The following MMEL1 variants were observed in gnomAD, a reference collection of about 807,000 sequenced individuals.
MMEL1 encodes the protein membrane metallo-endopeptidase-like 1.
Under a neutral mutation model 117.1 loss-of-function variants are expected in MMEL1, and 98 were observed. The observed-to-expected ratio is 0.84, with a 90% confidence interval of 0.71 to 0.99. The LOEUF (loss-of-function observed/expected upper bound fraction) is 0.99, where lower values mean the gene tolerates loss of function less well. Among genes scored for constraint, MMEL1 ranks in the 50% least tolerant of loss-of-function variants. The pLI is 0.00. For synonymous variants in MMEL1, 390 were observed against 415.1 expected (o/e 0.94, Z 0.74); for missense variants, 1,014 against 1,049.1 (o/e 0.97, Z 0.46).
In MMEL1 at chr1:2,596,126, C is replaced by T. The variant is rs1644835133; in HGVS notation, c.1402-19G>A. Reference sequence around the variant, plus strand: ...CTCTGACCTGGGAATCGGGCATGGCCCTCGTGTCCCAGACTCATCTGGAGG... The same window carrying T: ...CTCTGACCTGGGAATCGGGCATGGCTCTCGTGTCCCAGACTCATCTGGAGG... On this transcript the variant is annotated intron_variant, in intron 14 of 23. Coordinates refer to ENST00000378412, the MANE Select transcript of MMEL1 (RefSeq NM_033467.4). 1 of 1,604,610 alleles carries T rather than the reference C, an allele frequency of 6.2e-7. No homozygotes were observed. Among genetic ancestry groups the T allele is most frequent in the Admixed American group, 1.7e-5 (1 of 59,964 alleles).
intron 2 of MMEL1, among the ~76,000 whole-genome samples, chr1:2,618,657 C>G (rs1244403274): frequency 6.6e-6 from 1 of 152,106 alleles, no homozygotes; most frequent in African/African-American, 2.4e-5. Context: ...CGCGGAGAAG[C>G]CAATTTAAAG....
intron 2 of MMEL1, among the ~76,000 whole-genome samples, chr1:2,626,238 T>G (rs573747908): frequency 9.9e-5 from 15 of 152,150 alleles, no homozygotes; most frequent in Middle Eastern, 3.4e-3. Flanking sequence ...GACAAAGAAA[T>G]TTGGGGAAGA....
At chr1:2,624,337 C>T (rs147023904) in intron 2 of MMEL1, among the ~76,000 whole-genome samples, 2,858 of 152,256 alleles carry the variant, frequency 0.019, 48 homozygotes, top group Middle Eastern at 0.065. Flanking sequence ...GCTGGAGAAA[C>T]GTGAGTCTGA....
chr1:2,621,567 T>C (rs1645289304), intron 2 of MMEL1, among the ~76,000 whole-genome samples: 1 of 139,648 alleles, frequency 7.2e-6, no homozygotes, highest in Non-Finnish European at 1.5e-5. Flanking sequence ...ACTGAACCAA[T>C]GCACATTTTT....
chr1:2,598,837 G>C, intron 11 of MMEL1, 47 bp from the exon 12 acceptor site: 22 of 1,489,960 alleles, frequency 1.5e-5, no homozygotes, highest in Non-Finnish European at 1.9e-5. Flanking sequence ...GAGAGAGGGA[G>C]AAACAGTTCC....
intron 4 of MMEL1, 52 bp downstream of exon 4, chr1:2,611,229 G>C (rs529295639): frequency 6.6e-7 from 1 of 1,518,614 alleles, no homozygotes; most frequent in Non-Finnish European, 8.9e-7. Flanking sequence ...AGTGTCAGCC[G>C]GGAGCCCCCA....
chr1:2,590,651 A>G lies in MMEL1; in HGVS notation c.*339T>C, dbSNP rs1427569936. 7.3e-6 allele frequency: 2 copies of G among 274,928 alleles called. No homozygotes were observed. The highest frequency in any genetic ancestry group is 4.4e-5 in the African/African-American group (2 of 45,690). The allele number at this position is 274,928 out of a possible 1,614,324, so 17.0% of individuals were successfully genotyped here. ...GCAAGGCCTCTGATTTCTTTGAAGCATTTACTTAGCTCAAGTCTGAAGCTG... is the reference window on the plus strand; with the variant it reads ...GCAAGGCCTCTGATTTCTTTGAAGCGTTTACTTAGCTCAAGTCTGAAGCTG... On this transcript the variant is annotated 3_prime_UTR_variant, in exon 24 of 24. Transcript: ENST00000378412.
rs28713532 is a variant in MMEL1 at position 2,632,840 on chromosome 1, G to A, written c.-38+26C>T. 4.6e-4 allele frequency: 450 copies of A among 985,150 alleles called. 3 individuals carry two copies. The African/African-American group carries it at 7.0e-3, about 15-fold the overall frequency. 61.0% of individuals were successfully genotyped at this position (985,150 alleles called of 1,614,324 possible). A position where few individuals can be genotyped will look rare whatever the true frequency, so the allele number is the denominator to read the frequency against. On this transcript the variant is annotated intron_variant, in intron 1 of 23. Transcript: ENST00000378412. ...GTTTCAAGGCCCAGGAAAGCAGGCCGGGTACCTTCCTTCAGCACAACTCAC... is the reference window on the plus strand; with the variant it reads ...GTTTCAAGGCCCAGGAAAGCAGGCCAGGTACCTTCCTTCAGCACAACTCAC...
At chr1:2,601,297 G>A (rs1337049487) in intron 11 of MMEL1, among the ~76,000 whole-genome samples, 1 of 152,010 alleles carries the variant, frequency 6.6e-6, no homozygotes, top group Non-Finnish European at 1.5e-5. Flanking sequence ...ATATACATAT[G>A]GGCCCACGCA....
At chr1:2,607,128 C>T (rs1645042008) in intron 6 of MMEL1, 59 bp from the exon 7 acceptor site, 2 of 1,491,638 alleles carry the variant, frequency 1.3e-6, no homozygotes, top group South Asian at 1.1e-5. Context: ...TGCCACGACA[C>T]AGAACTGTGG....
At position 2,595,827 on chromosome 1, in the gene MMEL1, G is replaced by A. The variant is rs566083692; in HGVS notation, c.1500+182C>T. ...GAGTGGTCCTGTCTGCGCCTCCCGG[G>A]GCTGCCTTCTCCCCGTGGGGTCCTG... is the stretch of plus-strand genomic sequence containing the variant. On this transcript the variant is annotated intron_variant, in intron 15 of 23. Transcript: ENST00000378412. This position sits in a 1 kb window ranked among gnomAD's most constrained non-coding sequence, Gnocchi z 4.8. Among the ~76,000 whole-genome samples, 5 of 146,840 alleles carry A rather than the reference G, an allele frequency of 3.4e-5. No homozygotes were observed. The highest frequency in any genetic ancestry group is 6.7e-5 in the Admixed American group (1 of 14,832).
chr1:2,620,477 T>C (rs748252086), intron 2 of MMEL1, among the ~76,000 whole-genome samples: 1 of 152,058 alleles, frequency 6.6e-6, no homozygotes, highest in Non-Finnish European at 1.5e-5. Context: ...GATTCAGAGG[T>C]CTTACCCTAC....
At chr1:2,604,304 G>A in intron 9 of MMEL1, 23 bp from the exon 10 acceptor site, 1 of 1,610,778 alleles carries the variant, frequency 6.2e-7, no homozygotes, top group Non-Finnish European at 8.5e-7. Context: ...ACGCCGGGCA[G>A]AGCTGGGTGG....
intron 11 of MMEL1, among the ~76,000 whole-genome samples, chr1:2,603,120 C>G (rs963626317): frequency 3.4e-4 from 51 of 152,200 alleles, no homozygotes; most frequent in Non-Finnish European, 5.4e-4. Context: ...GCACTAGGTG[C>G]CCTGGGGCGA....
In MMEL1 at chr1:2,629,539, G is replaced by T; in HGVS notation, c.-37-18C>A. 1.4e-6 allele frequency: 2 copies of T among 1,395,836 alleles called. No homozygotes were observed. Among genetic ancestry groups the T allele is most frequent in the East Asian group, 5.9e-5 (2 of 33,946 alleles). 86.5% of individuals were successfully genotyped at this position (1,395,836 alleles called of 1,614,324 possible). On this transcript the variant is annotated intron_variant, in intron 1 of 23. Transcript: ENST00000378412. The stretch of plus-strand genomic sequence containing the variant: ...GGAGGAACCTGCAGGCCCAGGGCAG[G>T]GGAGAGGGGAGAGGGGCGTGGAGCT...
At position 2,606,244 on chromosome 1, in the gene MMEL1, G is replaced by C. The variant is rs556638773; in HGVS notation, c.750+4C>G. Reference sequence around the variant, plus strand: ...CTACCCCTGCCCACCGGCGCGGCTCGTACGTAGATGATGTGCCGGCTGGAG... The same window carrying C: ...CTACCCCTGCCCACCGGCGCGGCTCCTACGTAGATGATGTGCCGGCTGGAG... On this transcript the variant is annotated splice_donor_region_variant and intron_variant, in intron 8 of 23. Transcript: ENST00000378412. 4.3e-6 allele frequency: 7 copies of C among 1,611,282 alleles called. No homozygotes were observed. The highest frequency in any genetic ancestry group is 5.9e-6 in the Non-Finnish European group (7 of 1,178,202).
chr1:2,620,611 C>A (rs999422351), intron 2 of MMEL1, among the ~76,000 whole-genome samples: 2 of 151,936 alleles, frequency 1.3e-5, no homozygotes, highest in African/African-American at 4.8e-5. Context: ...GCTCAATGGG[C>A]AGGGCTGGTG....
chr1:2,594,134 G>T (rs574914798), intron 18 of MMEL1: 1 of 795,460 alleles, frequency 1.3e-6, no homozygotes, highest in South Asian at 1.8e-5. Context: ...CAGGACCTCA[G>T]TCCGGCCTCC....
intron 2 of MMEL1, among the ~76,000 whole-genome samples, chr1:2,615,213 A>G (rs1484270482): frequency 6.6e-6 from 1 of 152,186 alleles, no homozygotes; most frequent in African/African-American, 2.4e-5. Context: ...CAAAGACTGC[A>G]CTATGAAAAA....
Sources: allele counts gnomAD v4.1 joint callset (sites outside exome capture counted in the v4.1 genomes callset), GRCh38; gene constraint gnomAD v4.1.1; non-coding constraint Gnocchi (gnomAD v3.1); transcripts MANE v1.5; gene names NCBI Gene and HGNC (gene_info 2026-07-23, HGNC 2026-07-21).